The following RANBP2 variants were observed in gnomAD, a reference collection of about 807,000 sequenced individuals.
RANBP2 encodes the protein E3 SUMO-protein ligase RanBP2.
Under a neutral mutation model 303.6 loss-of-function variants are expected in RANBP2, and 57 were observed. The observed-to-expected ratio is 0.19, with a 90% CI of 0.15 to 0.23. RANBP2 has a LOEUF of 0.23. RANBP2 is among the 10% of genes least tolerant of loss of function. The pLI, the probability that RANBP2 is intolerant of heterozygous loss-of-function variation, is 1.00. For synonymous variants in RANBP2, 1,167 were observed against 1,301.5 expected, an observed-to-expected ratio of 0.90 and a Z score of 2.23; for missense variants, 3,138 against 3,780.8, an observed-to-expected ratio of 0.83 and a Z score of 4.46.
chr2:109,497,879 G>A, the RANBP2 span, among the ~76,000 whole-genome samples: 1 of 152,224 alleles, frequency 6.6e-6, no homozygotes, highest in South Asian at 2.1e-4. Flanking sequence ...TTCAAAGTCT[G>A]AGAAATCATC....
the RANBP2 span, among the ~76,000 whole-genome samples, chr2:109,368,418 T>G: frequency 6.6e-6 from 1 of 152,312 alleles, no homozygotes; most frequent in South Asian, 2.1e-4. Context: ...GCATATACAG[T>G]GGATTAGAGA....
chr2:108,797,978 T>C, the RANBP2 span, among the ~76,000 whole-genome samples: 11 of 131,024 alleles, frequency 8.4e-5, no homozygotes, highest in African/African-American at 2.0e-4. Context: ...TTTTTTTTTT[T>C]CTCCAGTGGT....
At chr2:109,348,153 G>T in the RANBP2 span, among the ~76,000 whole-genome samples, 7,083 of 152,276 alleles carry the variant, frequency 0.047, 223 homozygotes, top group Non-Finnish European at 0.072. Flanking sequence ...GAATGCTATG[G>T]AGGGCACCAG....
chr2:109,331,274 A>G, the RANBP2 span, among the ~76,000 whole-genome samples: 1 of 152,114 alleles, frequency 6.6e-6, no homozygotes, highest in Non-Finnish European at 1.5e-5. Flanking sequence ...GCTGGGTGCC[A>G]GAGCAAGATT....
At chr2:109,523,375 G>A in the RANBP2 span, among the ~76,000 whole-genome samples, 1 of 152,072 alleles carries the variant, frequency 6.6e-6, no homozygotes, top group African/African-American at 2.4e-5. Flanking sequence ...ATCCTCACTT[G>A]GTGAGGATGC....
chr2:109,541,213 G>T, the RANBP2 span, among the ~76,000 whole-genome samples: 2 of 152,288 alleles, frequency 1.3e-5, no homozygotes, highest in Non-Finnish European at 2.9e-5. Context: ...CCCAGTTAAT[G>T]CAAGAACCTG....
chr2:108,865,982 G>C, the RANBP2 span, among the ~76,000 whole-genome samples: 1 of 152,208 alleles, frequency 6.6e-6, no homozygotes, highest in Admixed American at 6.5e-5. Flanking sequence ...TCTCTTCCTG[G>C]GGAGAAGCTA....
At chr2:109,513,452 G>T in the RANBP2 span, among the ~76,000 whole-genome samples, 6 of 102,666 alleles carry the variant, frequency 5.8e-5, no homozygotes, top group South Asian at 2.0e-3. Flanking sequence ...CATCACACAC[G>T]TGCACATATA....
At chr2:109,146,881 T>TCCCCC in the RANBP2 span, among the ~76,000 whole-genome samples, 1 of 7,810 alleles carries the variant, frequency 1.3e-4, no homozygotes, top group Non-Finnish European at 2.1e-4. Flanking sequence ...TCTTCTTTTT[T>TCCCCC]CCCTCCCCCC....
At chr2:109,614,190 TCGCGAGGCCGGAAGTGGGCGGGCCTTGA>T in the RANBP2 span, 6 of 1,131,526 alleles carry the variant, frequency 5.3e-6, no homozygotes, top group Middle Eastern at 3.5e-4. Context: ...ATTGCGGCCC[TCGCGAGGCCGGAAGTGGGCGGGCCTTGA>T]GGCGAGGCCG....
At chr2:109,046,683 A>T in the RANBP2 span, among the ~76,000 whole-genome samples, 1 of 152,058 alleles carries the variant, frequency 6.6e-6, no homozygotes, top group South Asian at 2.1e-4. Context: ...CCGGTCATGT[A>T]TAGCATTTTA....
At chr2:109,267,197 A>G in the RANBP2 span, among the ~76,000 whole-genome samples, 1 of 152,064 alleles carries the variant, frequency 6.6e-6, no homozygotes, top group Non-Finnish European at 1.5e-5. Context: ...AGGTTTCGTC[A>G]TATTTTTTAG....
chr2:109,204,208 G>A, the RANBP2 span, among the ~76,000 whole-genome samples: 41,810 of 152,054 alleles, frequency 0.27, 6,092 homozygotes, highest in East Asian at 0.46. Flanking sequence ...TTATCTGTCT[G>A]TATGTCTGTC....
chr2:109,041,678 T>C, the RANBP2 span, among the ~76,000 whole-genome samples: 1 of 146,680 alleles, frequency 6.8e-6, no homozygotes, highest in Non-Finnish European at 1.5e-5. Context: ...CCCGCCACCA[T>C]GCCCGGCTTT....
chr2:108,973,840 T>C, the RANBP2 span, among the ~76,000 whole-genome samples: 2 of 152,224 alleles, frequency 1.3e-5, no homozygotes, highest in Non-Finnish European at 2.9e-5. Context: ...CTTTTGGTTT[T>C]ATGTAAATAA....
the RANBP2 span, among the ~76,000 whole-genome samples, chr2:109,249,002 C>T: frequency 2.0e-5 from 3 of 152,148 alleles, no homozygotes; most frequent in Non-Finnish European, 4.4e-5. Flanking sequence ...CCACCTCAGC[C>T]TCCTGAGTAG....
chr2:109,627,971 T>C, the RANBP2 span, among the ~76,000 whole-genome samples: 1 of 152,196 alleles, frequency 6.6e-6, no homozygotes, highest in Non-Finnish European at 1.5e-5. Context: ...TGAACATACA[T>C]ACAATTTATG....
the RANBP2 span, among the ~76,000 whole-genome samples, chr2:109,346,139 C>T: frequency 2.0e-5 from 3 of 152,160 alleles, no homozygotes; most frequent in Non-Finnish European, 2.9e-5. Flanking sequence ...ATTGTGCTCG[C>T]ACTACAAAGC....
At chr2:109,197,801 T>TA in the RANBP2 span, among the ~76,000 whole-genome samples, 57 of 152,210 alleles carry the variant, frequency 3.7e-4, 1 homozygote, top group Middle Eastern at 3.4e-3. Flanking sequence ...AATAGCAAAT[T>TA]AAAAAAATGC....
Sources: gnomAD v4.1 joint callset for allele counts (sites outside exome capture counted in the v4.1 genomes callset) on GRCh38, gnomAD v4.1.1 for gene constraint, MANE v1.5 for transcripts, NCBI Gene and HGNC (gene_info 2026-07-23, HGNC 2026-07-21) for gene names.